RPA1: variants seen among roughly 807,000 people sequenced by gnomAD.
RPA1 encodes the protein replication protein A1, also known as replication protein A 70 kDa DNA-binding subunit.
Under a neutral mutation model 83.0 loss-of-function variants are expected in RPA1, and 49 were observed. The ratio of observed to expected loss-of-function variants is 0.59; its 90% CI spans 0.47 to 0.75. The LOEUF is 0.75. RPA1 is among the 30% of genes least tolerant of loss of function. The pLI, the probability that RPA1 is intolerant of heterozygous loss-of-function variation, is 0.00. For missense variants in RPA1, 693 were observed against 776.1 expected (o/e 0.89, Z 1.27); for synonymous variants, 279 against 281.8 (o/e 0.99, Z 0.10).
chr17:1,892,416 C>A (rs1448437025), intron 15 of RPA1, among the ~76,000 whole-genome samples: 1 of 152,166 alleles, frequency 6.6e-6, no homozygotes, highest in Non-Finnish European at 1.5e-5. Context: ...CTGATGTTAT[C>A]TAATCTTGTC....
At chr17:1,860,290 G>A (rs1005749161) in intron 5 of RPA1, among the ~76,000 whole-genome samples, 6 of 152,052 alleles carry the variant, frequency 3.9e-5, no homozygotes, top group African/African-American at 1.2e-4. Context: ...GGGCTGGGAC[G>A]GCAGTGCCAC....
chr17:1,849,411 G>A (rs1394983940), intron 4 of RPA1, among the ~76,000 whole-genome samples: 1 of 149,438 alleles, frequency 6.7e-6, no homozygotes, highest in African/African-American at 2.5e-5. Context: ...TCCTGCCTCA[G>A]CCTCCCCAGT....
chr17:1,848,458 A>C (rs1224272566), intron 4 of RPA1, among the ~76,000 whole-genome samples: 1 of 151,658 alleles, frequency 6.6e-6, no homozygotes, highest in Non-Finnish European at 1.5e-5. Flanking sequence ...TAAAAATACA[A>C]AAATCAGCCG....
At chr17:1,850,908 G>C (rs1912471029) in intron 4 of RPA1, among the ~76,000 whole-genome samples, 1 of 151,912 alleles carries the variant, frequency 6.6e-6, no homozygotes, top group African/African-American at 2.4e-5. Flanking sequence ...AAAAAAATAA[G>C]AATTATCTTA....
intron 5 of RPA1, among the ~76,000 whole-genome samples, chr17:1,864,645 C>T (rs979660103): frequency 6.6e-6 from 1 of 151,674 alleles, no homozygotes; most frequent in African/African-American, 2.4e-5. Context: ...TGGAATTGAA[C>T]CCAGTAATTC....
At chr17:1,874,025 A>ATG (rs1913486495) in intron 6 of RPA1, among the ~76,000 whole-genome samples, 1 of 120,030 alleles carries the variant, frequency 8.3e-6, no homozygotes, top group Non-Finnish European at 1.6e-5. Context: ...ATATATATAT[A>ATG]TATATATACA....
intron 11 of RPA1, among the ~76,000 whole-genome samples, chr17:1,879,905 T>C (rs1913719520): frequency 1.3e-5 from 2 of 148,370 alleles, no homozygotes; most frequent in South Asian, 4.3e-4. Context: ...TCCTATAGGA[T>C]GGGGCCTTCA....
In RPA1 at chr17:1,895,974, G is replaced by A. The variant is rs536353352; in HGVS notation, c.1746+879G>A. ...GCCAGGATTACAGGCATGAGCCACCGCGCCCAGCTTAGTTATAGTTATAAT... is the reference window on the plus strand; with the variant it reads ...GCCAGGATTACAGGCATGAGCCACCACGCCCAGCTTAGTTATAGTTATAAT... On this transcript the variant is annotated intron_variant, in intron 16 of 16. Transcript: ENST00000254719. 1.4e-4 allele frequency among the ~76,000 whole-genome samples: 22 copies of A among 152,084 alleles called. No homozygotes were observed. In the South Asian group the frequency reaches 3.9e-3, roughly 27 times the overall value.
intron 3 of RPA1, 57 bp downstream of exon 3, chr17:1,844,055 C>T (rs1469060851): frequency 2.7e-6 from 4 of 1,486,204 alleles, no homozygotes; most frequent in Non-Finnish European, 1.9e-6. Context: ...AGAAGCACAC[C>T]TGGTCCTTTG....
intron 13 of RPA1, among the ~76,000 whole-genome samples, chr17:1,887,509 A>C (rs1456641400): frequency 2.6e-5 from 4 of 151,266 alleles, no homozygotes; most frequent in Admixed American, 2.6e-4. Flanking sequence ...CAGTGAGCTG[A>C]GATCATGCCA....
intron 12 of RPA1, among the ~76,000 whole-genome samples, chr17:1,883,333 T>C (rs930003450): frequency 6.6e-6 from 1 of 152,068 alleles, no homozygotes. Flanking sequence ...CCGGCTAATT[T>C]TGTATTTTTA....
chr17:1,861,382 A>T (rs1414647110), intron 5 of RPA1, among the ~76,000 whole-genome samples: 1 of 152,032 alleles, frequency 6.6e-6, no homozygotes, highest in Non-Finnish European at 1.5e-5. Context: ...ATTGAAAACC[A>T]TGCGTCTCAC....
intron 11 of RPA1, 108 bp from the exon 12 acceptor site, chr17:1,880,435 C>A: frequency 2.6e-6 from 3 of 1,171,996 alleles, no homozygotes; most frequent in Admixed American, 2.0e-5. Flanking sequence ...ATTCCATGTA[C>A]GCTGATTACA....
At position 1,853,132 on chromosome 17, in the gene RPA1, T is replaced by C. The variant is rs1338490787; in HGVS notation, c.304T>C (p.Leu102=). 6.2e-7 allele frequency: 1 copy of C among 1,614,188 alleles called. No homozygotes were observed. The highest frequency in any genetic ancestry group is 1.7e-5 in the Admixed American group (1 of 60,016). The part of the protein sequence containing the change: ...RVVILMELEV[L]KSAEAVGVKI... ...AGTTATCTTGATGGAATTAGAAGTT[T>C]TGAAGTCAGCTGAAGCAGTTGGAGT... Residue 102 remains leucine (L), a synonymous_variant, in exon 5 of 17, where the codon TTG becomes CTG. Coordinates refer to ENST00000254719, the MANE Select transcript of RPA1 (RefSeq NM_002945.5).
chr17:1,893,558 A>C (rs1299039925), intron 15 of RPA1, among the ~76,000 whole-genome samples: 2 of 152,132 alleles, frequency 1.3e-5, no homozygotes, highest in Non-Finnish European at 2.9e-5. Flanking sequence ...GTGAACTATT[A>C]ATTAGTTTTT....
intron 1 of RPA1, among the ~76,000 whole-genome samples, chr17:1,831,891 G>C (rs562473416): frequency 7.4e-6 from 1 of 134,496 alleles, no homozygotes; most frequent in Admixed American, 8.0e-5. Flanking sequence ...GAGCCACTGT[G>C]CCCGGCCTTT....
intron 4 of RPA1, among the ~76,000 whole-genome samples, chr17:1,848,246 A>G (rs1172728080): frequency 1.3e-5 from 2 of 152,188 alleles, no homozygotes; most frequent in Non-Finnish European, 2.9e-5. Flanking sequence ...TGATATCTCA[A>G]TAAACATGTT....
intron 1 of RPA1, 27 bp downstream of exon 1, chr17:1,830,153 G>A: frequency 1.6e-6 from 2 of 1,240,206 alleles, no homozygotes; most frequent in Non-Finnish European, 2.0e-6. Context: ...GGCTGGGCCG[G>A]CGGTCCGGGG....
chr17:1,900,059 A>C lies in RPA1; in HGVS notation c.*2884A>C, dbSNP rs924218222. ...GTTTAATTTTCACTTATTCAAAAAAACTGGTATTTTTGTTATTAAGACATT... is the reference window on the plus strand; with the variant it reads ...GTTTAATTTTCACTTATTCAAAAAACCTGGTATTTTTGTTATTAAGACATT... On this transcript the variant is annotated 3_prime_UTR_variant, in exon 17 of 17. Transcript: ENST00000254719. 3.3e-5 allele frequency: 5 copies of C among 152,252 alleles called. No homozygotes were observed. The highest frequency in any genetic ancestry group is 7.3e-5 in the Non-Finnish European group (5 of 68,050). The allele number at this position is 152,252 out of a possible 1,614,324, so 9.4% of individuals were successfully genotyped here.
Sources: allele counts gnomAD v4.1 joint callset (sites outside exome capture counted in the v4.1 genomes callset), GRCh38; gene constraint gnomAD v4.1.1; transcripts MANE v1.5; gene names NCBI Gene and HGNC (gene_info 2026-07-23, HGNC 2026-07-21).